SFXN1: variants seen among roughly 807,000 people sequenced by gnomAD.
SFXN1 encodes the protein sideroflexin-1.
Under a neutral mutation model 39.5 loss-of-function variants are expected in SFXN1, and 32 were observed. That is an observed-to-expected ratio of 0.81 (90% CI 0.61 to 1.09). The LOEUF (loss-of-function observed/expected upper bound fraction) is 1.09, where lower values mean the gene tolerates loss of function less well. Ranked by LOEUF, SFXN1 falls within the 50% of genes least tolerant of loss-of-function variation. The pLI is 0.00. For synonymous variants in SFXN1, 136 were observed against 146.5 expected, an observed-to-expected ratio of 0.93 and a Z score of 0.52; for missense variants, 402 against 407.1, an observed-to-expected ratio of 0.99 and a Z score of 0.11.
chr5:175,495,110 A>C (rs1181385735), intron 2 of SFXN1, among the ~76,000 whole-genome samples: 1 of 152,248 alleles, frequency 6.6e-6, no homozygotes, highest in African/African-American at 2.4e-5. Context: ...ACAATGAAAT[A>C]GCATTCAGCC....
At chr5:175,491,798 G>A (rs2453743) in intron 1 of SFXN1, 219,868 of 220,612 alleles carry the variant, frequency 1, 109,564 homozygotes, top group East Asian at 1. Context: ...AAAACTTTTC[G>A]TACCTTTATT....
At position 175,484,174 on chromosome 5, in the gene SFXN1, C is replaced by T. The variant is rs767957831; in HGVS notation, c.-10+5535C>T. 4.6e-5 allele frequency: 7 copies of T among 152,314 alleles called. No homozygotes were observed. The South Asian group carries it at 6.2e-4, about 13-fold the overall frequency. 9.4% of individuals were successfully genotyped at this position (152,314 alleles called of 1,614,324 possible). On this transcript the variant is annotated intron_variant, in intron 1 of 10. Coordinates refer to ENST00000321442, the MANE Select transcript of SFXN1 (RefSeq NM_022754.7). Reference sequence around the variant, plus strand: ...GAGTCGAGAAGCCTCTGTCCTAGCACTGTCCCTATCCTAGGTCATGAAAGA... The same window carrying T: ...GAGTCGAGAAGCCTCTGTCCTAGCATTGTCCCTATCCTAGGTCATGAAAGA...
intron 1 of SFXN1, 169 bp downstream of exon 1, chr5:175,478,808 C>CG (rs143415486): frequency 0.067 from 9,702 of 144,190 alleles, 375 homozygotes; most frequent in East Asian, 0.14. Flanking sequence ...TGCCTCGGGC[C>CG]GGGGGGGGGG....
At chr5:175,484,826 G>A (rs536283740) in intron 1 of SFXN1, among the ~76,000 whole-genome samples, 32 of 152,288 alleles carry the variant, frequency 2.1e-4, no homozygotes, top group Middle Eastern at 3.4e-3. Flanking sequence ...CTCCCAAGTA[G>A]CCAGGATTAC....
chr5:175,479,844 A>G (rs144046869), intron 1 of SFXN1, among the ~76,000 whole-genome samples: 1 of 152,108 alleles, frequency 6.6e-6, no homozygotes, highest in Non-Finnish European at 1.5e-5. Context: ...TGACTTCTAG[A>G]TTTTGACTTG....
chr5:175,499,291 C>T (rs1036501512), intron 2 of SFXN1, among the ~76,000 whole-genome samples: 9 of 151,724 alleles, frequency 5.9e-5, no homozygotes, highest in African/African-American at 1.9e-4. Flanking sequence ...CCACAAACTC[C>T]AGCAGAAAGC....
chr5:175,491,234 T>C (rs1182312230), intron 1 of SFXN1, among the ~76,000 whole-genome samples: 5 of 152,232 alleles, frequency 3.3e-5, no homozygotes, highest in Admixed American at 3.3e-4. Context: ...TTTCCTGCTA[T>C]GTTCCTGGTA....
intron 1 of SFXN1, chr5:175,491,363 A>T (rs895388443): frequency 6.6e-6 from 1 of 152,050 alleles, no homozygotes; most frequent in Admixed American, 6.6e-5. Context: ...TTTAATCATT[A>T]GTCATTTCTC....
chr5:175,493,049 C>T (rs540134798), intron 2 of SFXN1, among the ~76,000 whole-genome samples: 1 of 152,034 alleles, frequency 6.6e-6, no homozygotes, highest in Non-Finnish European at 1.5e-5. Context: ...GTCAGGAGAT[C>T]GAGACCATCC....
At chr5:175,524,082 C>A (rs1379138533) in intron 10 of SFXN1, 1 of 123,446 alleles carries the variant, frequency 8.1e-6, no homozygotes, top group Non-Finnish European at 1.6e-5. Flanking sequence ...CCAGCCTGGG[C>A]AACAGTGCGA....
At chr5:175,501,370 A>G (rs923583125) in intron 2 of SFXN1, among the ~76,000 whole-genome samples, 1 of 152,092 alleles carries the variant, frequency 6.6e-6, no homozygotes, top group Non-Finnish European at 1.5e-5. Context: ...GCCCGGCAGT[A>G]TGGGCAAACA....
intron 2 of SFXN1, among the ~76,000 whole-genome samples, chr5:175,496,517 T>C (rs1400481380): frequency 1.3e-5 from 2 of 152,202 alleles, no homozygotes; most frequent in Admixed American, 1.3e-4. Flanking sequence ...CTTACTATAT[T>C]CAATAAATGC....
At chr5:175,481,942 T>G (rs1759269086) in intron 1 of SFXN1, among the ~76,000 whole-genome samples, 1 of 152,078 alleles carries the variant, frequency 6.6e-6, no homozygotes, top group South Asian at 2.1e-4. Flanking sequence ...GCTCCTTGAG[T>G]TAGTGTGATT....
chr5:175,508,805 T>G (rs1212629960), intron 2 of SFXN1, among the ~76,000 whole-genome samples: 1 of 151,934 alleles, frequency 6.6e-6, no homozygotes, highest in African/African-American at 2.4e-5. Context: ...ACCCGGCTAA[T>G]TTTTGTATCT....
In SFXN1 at chr5:175,496,273, C is replaced by T. The variant is rs550511351; in HGVS notation, c.164+4006C>T. Reference sequence around the variant, plus strand: ...GCACCTATAATCCCAGCTCGGGAGGCTGAGGCAGGAGAATCACTTGAACCC... The same window carrying T: ...GCACCTATAATCCCAGCTCGGGAGGTTGAGGCAGGAGAATCACTTGAACCC... On this transcript the variant is annotated intron_variant, in intron 2 of 10. Transcript: ENST00000321442. 3.8e-3 allele frequency among the ~76,000 whole-genome samples: 578 copies of T among 151,852 alleles called. 4 individuals are homozygous for T. Among genetic ancestry groups the T allele is most frequent in the Middle Eastern group, 0.021 (6 of 292 alleles).
chr5:175,494,298 G>A (rs753898412), intron 2 of SFXN1, among the ~76,000 whole-genome samples: 41 of 152,226 alleles, frequency 2.7e-4, no homozygotes, highest in Admixed American at 8.5e-4. Context: ...ACAACGAAAA[G>A]CTATTAAAAA....
chr5:175,517,783 C>T (rs982273618), intron 8 of SFXN1, among the ~76,000 whole-genome samples: 2 of 152,144 alleles, frequency 1.3e-5, no homozygotes, highest in African/African-American at 2.4e-5. Context: ...TTCACCATGC[C>T]TCTTCCGCAA....
Position 175,516,738 on chromosome 5 carries a change from G to C in SFXN1, c.774+75G>C, listed in dbSNP as rs140623362. 1.7e-4 allele frequency: 249 copies of C among 1,490,620 alleles called. No individual in the cohort carries two copies. In the African/African-American group the frequency reaches 3.2e-3, roughly 19 times the overall value. 92.3% of individuals were successfully genotyped at this position (1,490,620 alleles called of 1,614,324 possible). A position where few individuals can be genotyped will look rare whatever the true frequency, so the allele number is the denominator to read the frequency against. Reference sequence around the variant, plus strand: ...AGATTTCAAACCGTATAGATTATTTGCTACCTAAACAGTAAAGAAGCCGAA... The same window carrying C: ...AGATTTCAAACCGTATAGATTATTTCCTACCTAAACAGTAAAGAAGCCGAA... On this transcript the variant is annotated intron_variant, in intron 8 of 10. Transcript: ENST00000321442.
chr5:175,496,774 CT>C (rs1296846299), intron 2 of SFXN1, among the ~76,000 whole-genome samples: 3 of 151,394 alleles, frequency 2.0e-5, no homozygotes, highest in Non-Finnish European at 4.4e-5. Flanking sequence ...AAATGTCTCC[CT>C]TTTTTTTTCT....
Sources: gnomAD v4.1 joint callset for allele counts (sites outside exome capture counted in the v4.1 genomes callset) on GRCh38, gnomAD v4.1.1 for gene constraint, MANE v1.5 for transcripts, NCBI Gene and HGNC (gene_info 2026-07-23, HGNC 2026-07-21) for gene names.